Variants in CD44 observed in about 807,000 individuals in gnomAD.
CD44 encodes the protein CD44 molecule (IN blood group).
Under a neutral mutation model 88.8 loss-of-function variants are expected in CD44, and 49 were observed. The ratio of observed to expected loss-of-function variants is 0.55; its 90% CI spans 0.44 to 0.70. CD44 has a LOEUF of 0.70. CD44 is among the 30% of genes least tolerant of loss of function. The pLI is 0.00. For synonymous variants in CD44, 325 were observed against 312.3 expected (o/e 1.04, Z -0.43); for missense variants, 883 against 913.8 (o/e 0.97, Z 0.43).
In CD44 at chr11:35,201,161, G is replaced by A. The variant is rs750767970; in HGVS notation, c.1002G>A (p.Pro334=). ...WTQWNPSHSN[P]EVLLQTTTRM... ...AGTGGAACCCAAGCCATTCAAATCC[G>A]GAAGTGCTACTTCAGACAACCACAA... Residue 334 remains proline (P), a synonymous_variant, in exon 8 of 18, where the codon CCG becomes CCA. Transcript: ENST00000428726. 89 of 1,613,732 alleles carry A rather than the reference G, an allele frequency of 5.5e-5. No individual in the cohort carries two copies. Among genetic ancestry groups the A allele is most frequent in the African/African-American group, 1.9e-4 (14 of 74,890 alleles).
rs1949979837 is a variant in CD44, at chr11:35,229,987, A to C, written c.*654A>C. The C allele has an allele frequency of 6.6e-6, 1 of 152,412 alleles. No individual in the cohort carries two copies. The highest frequency in any genetic ancestry group is 6.5e-5 in the Admixed American group (1 of 15,294). The allele number at this position is 152,412 out of a possible 1,614,324, so 9.4% of individuals were successfully genotyped here. ...CTTTGTCAGAGGCACAAAAGGGTTT[A>C]AACTGATTCATAATAAATATCTGTA... On this transcript the variant is annotated 3_prime_UTR_variant, in exon 18 of 18. Transcript: ENST00000428726.
chr11:35,206,511 T>C (rs1251258158), intron 11 of CD44, among the ~76,000 whole-genome samples: 1 of 152,000 alleles, frequency 6.6e-6, no homozygotes. Context: ...CAGTAAGTAA[T>C]AGATATGAAA....
Position 35,229,278 on chromosome 11 carries a change from T to C in CD44, c.2174T>C (p.Met725Thr). The C allele has an allele frequency of 3.1e-6, 5 of 1,614,028 alleles. No individual in the cohort carries two copies. Among genetic ancestry groups the C allele is most frequent in the Non-Finnish European group, 2.5e-6 (3 of 1,179,916 alleles). The change falls in exon 18 of 18, where the codon ATG becomes ACG. Residue 725 changes from methionine to threonine, a missense_variant. By Grantham distance (81) the Met-to-Thr change is moderately conservative. Transcript: ENST00000428726. ...KESSETPDQF[M>T]TADETRNLQN... is the part of the protein sequence containing the mutation. ...TCGTCAGAAACTCCAGACCAGTTTATGACAGCTGATGAGACAAGGAACCTG... is the reference window on the plus strand; with the variant it reads ...TCGTCAGAAACTCCAGACCAGTTTACGACAGCTGATGAGACAAGGAACCTG...
At chr11:35,158,527 C>T (rs554155242) in intron 1 of CD44, among the ~76,000 whole-genome samples, 1 of 152,270 alleles carries the variant, frequency 6.6e-6, no homozygotes, top group African/African-American at 2.4e-5. Flanking sequence ...AGACTTGAAA[C>T]CCTTGATAGA....
At chr11:35,198,066 T>C (rs1946935435) in intron 6 of CD44, 55 bp from the exon 7 acceptor site, 1 of 1,583,196 alleles carries the variant, frequency 6.3e-7, no homozygotes, top group South Asian at 1.1e-5. Context: ...TTTCTTCCTT[T>C]GCAAGTGGGT....
Position 35,208,159 on chromosome 11 carries a change from G to A in CD44, c.1469G>A (p.Gly490Asp). 6.2e-7 allele frequency: 1 copy of A among 1,613,298 alleles called. No homozygotes were observed. The highest frequency in any genetic ancestry group is 8.5e-7 in the Non-Finnish European group (1 of 1,179,286). Reference sequence around the variant, plus strand: ...CAGCCTACTGCAAATCCAAACACAGGTTTGGTGGAAGATTTGGACAGGACA... The same window carrying A: ...CAGCCTACTGCAAATCCAAACACAGATTTGGTGGAAGATTTGGACAGGACA... ...TLQPTANPNT[G>D]LVEDLDRTGP... The change falls in exon 12 of 18, where the codon GGT becomes GAT. Residue 490 changes from glycine to aspartate, a missense_variant. Transcript: ENST00000428726.
chr11:35,145,123 A>G (rs1282837847), intron 1 of CD44, among the ~76,000 whole-genome samples: 1 of 152,242 alleles, frequency 6.6e-6, no homozygotes, highest in African/African-American at 2.4e-5. Flanking sequence ...AAAGACTTTC[A>G]TGCCCCTTAA....
At chr11:35,185,925 G>A (rs1349969783) in intron 3 of CD44, among the ~76,000 whole-genome samples, 1 of 152,158 alleles carries the variant, frequency 6.6e-6, no homozygotes, top group African/African-American at 2.4e-5. Context: ...TTATCAGACC[G>A]CTTGAGACAG....
At position 35,219,186 on chromosome 11, in the gene CD44, C is replaced by T. The variant is rs1949091354; in HGVS notation, c.1874-130C>T. On this transcript the variant is annotated intron_variant, in intron 15 of 17. Coordinates refer to ENST00000428726, the MANE Select transcript of CD44 (RefSeq NM_000610.4). ...CTTTTGTGTAATGCTTTATAAACAT[C>T]TGCAGCTTGAATCCATAAATGGCTT... The T allele has an allele frequency of 8.7e-6, 6 of 690,852 alleles. No homozygotes were observed. In the East Asian group the frequency reaches 1.6e-4, roughly 18 times the overall value. 42.8% of individuals were successfully genotyped at this position (690,852 alleles called of 1,614,324 possible).
intron 14 of CD44, among the ~76,000 whole-genome samples, chr11:35,213,179 T>C (rs201284742): frequency 6.6e-6 from 1 of 152,214 alleles, no homozygotes; most frequent in Non-Finnish European, 1.5e-5. Context: ...AGAATGCTTA[T>C]AGCCTAATGT....
intron 7 of CD44, chr11:35,200,758 T>C (rs1947236494): frequency 3.5e-6 from 1 of 284,834 alleles, no homozygotes; most frequent in African/African-American, 2.1e-5. Flanking sequence ...ATGGCGCCTT[T>C]GGTTATCCTC....
At chr11:35,159,474 A>G (rs1460539157) in intron 1 of CD44, among the ~76,000 whole-genome samples, 1 of 152,176 alleles carries the variant, frequency 6.6e-6, no homozygotes, top group South Asian at 2.1e-4. Flanking sequence ...TCATGGTGCA[A>G]ACACATCATA....
In CD44 at chr11:35,204,564, G is replaced by A. The variant is rs2134090431; in HGVS notation, c.1206G>A (p.Gln402=). The part of the protein sequence containing the change: ...TTEETATQKE[Q]WFGNRWHEGY... ...AAGAAACAGCTACCCAGAAGGAACA[G>A]TGGTTTGGCAACAGATGGCATGAGG... The change falls in exon 10 of 18, where the codon CAG becomes CAA. Residue 402 remains glutamine, a synonymous_variant. Coordinates refer to ENST00000428726, the MANE Select transcript of CD44 (RefSeq NM_000610.4). 3 of 1,613,492 alleles carry A rather than the reference G, an allele frequency of 1.9e-6. No homozygotes were observed. The highest frequency in any genetic ancestry group is 2.2e-5 in the East Asian group (1 of 44,858).
At chr11:35,139,690 C>T in intron 1 of CD44, 1 of 592,118 alleles carries the variant, frequency 1.7e-6, no homozygotes, top group South Asian at 1.5e-5. Context: ...TGCGCACAGT[C>T]GTTGTCTGGA....
chr11:35,172,196 C>G (rs1379479732), intron 1 of CD44, among the ~76,000 whole-genome samples: 1 of 152,228 alleles, frequency 6.6e-6, no homozygotes, highest in Non-Finnish European at 1.5e-5. Context: ...GACTGGACCA[C>G]TTCCACCTCT....
intron 3 of CD44, among the ~76,000 whole-genome samples, chr11:35,181,905 T>TATTATATATTATATATTATATA (rs1291148360): frequency 1.5e-5 from 1 of 66,106 alleles, no homozygotes; most frequent in Non-Finnish European, 2.6e-5. Flanking sequence ...ATATAATATA[T>TATTATATATTATATATTATATA]AATATATATT....
intron 5 of CD44, among the ~76,000 whole-genome samples, chr11:35,193,737 A>G (rs148909425): frequency 1.3e-5 from 2 of 152,232 alleles, no homozygotes; most frequent in Non-Finnish European, 2.9e-5. Flanking sequence ...TACTGATGAT[A>G]TTTTCTCTAA....
chr11:35,207,095 T>A (rs1402794592), intron 11 of CD44, among the ~76,000 whole-genome samples: 1 of 152,238 alleles, frequency 6.6e-6, no homozygotes, highest in Non-Finnish European at 1.5e-5. Context: ...AGTGGGACTT[T>A]TTCTGGGAGA....
intron 1 of CD44, among the ~76,000 whole-genome samples, chr11:35,169,450 A>G (rs1943643779): frequency 6.6e-6 from 1 of 152,066 alleles, no homozygotes; most frequent in South Asian, 2.1e-4. Context: ...ACATCCATAC[A>G]CACAATCTTG....
Sources: allele counts gnomAD v4.1 joint callset (sites outside exome capture counted in the v4.1 genomes callset), GRCh38; gene constraint gnomAD v4.1.1; transcripts MANE v1.5; gene names NCBI Gene and HGNC (gene_info 2026-07-23, HGNC 2026-07-21).